Variants in PPIP5K1 observed in about 807,000 individuals in gnomAD.
PPIP5K1 encodes inositol hexakisphosphate and diphosphoinositol-pentakisphosphate kinase 1.
Under a neutral mutation model 27.7 loss-of-function variants are expected in PPIP5K1, and 6 were observed. The observed-to-expected ratio is 0.22, with a 90% CI of 0.12 to 0.43. The LOEUF (loss-of-function observed/expected upper bound fraction) is 0.43. Ranked by LOEUF, PPIP5K1 falls within the 20% of genes least tolerant of loss-of-function variation. PPIP5K1 has a pLI of 1.00. For missense variants in PPIP5K1, 394 were observed against 635.4 expected (o/e 0.62, Z 4.08); for synonymous variants, 145 against 242.6 (o/e 0.60, Z 3.74).
At chr15:43,557,815 C>T (rs1043094987) in intron 30 of PPIP5K1, among the ~76,000 whole-genome samples, 1 of 150,988 alleles carries the variant, frequency 6.6e-6, no homozygotes, top group African/African-American at 2.4e-5. Context: ...CAGGCACACA[C>T]CACCATGCAT....
chr15:43,549,056 A>AATATATATATATATATATATATAT (rs762219321), intron 30 of PPIP5K1, among the ~76,000 whole-genome samples: 4 of 54,258 alleles, frequency 7.4e-5, no homozygotes, highest in African/African-American at 5.4e-4. Context: ...AAAAAAAAAA[A>AATATATATATATATATATATATAT]ATATATATAT....
intron 30 of PPIP5K1, among the ~76,000 whole-genome samples, chr15:43,549,981 T>G (rs1179217923): frequency 2.0e-5 from 3 of 151,980 alleles, no homozygotes; most frequent in African/African-American, 7.3e-5. Flanking sequence ...AGCAAAAAAT[T>G]ACTTTATAGA....
intron 30 of PPIP5K1, among the ~76,000 whole-genome samples, chr15:43,554,857 T>G (rs902805943): frequency 2.6e-5 from 4 of 151,966 alleles, no homozygotes; most frequent in Non-Finnish European, 5.9e-5. Flanking sequence ...TTTTTTCAGA[T>G]GGAGTTTCTC....
intron 30 of PPIP5K1, among the ~76,000 whole-genome samples, chr15:43,549,604 G>C (rs1418477873): frequency 6.6e-6 from 1 of 152,042 alleles, no homozygotes; most frequent in African/African-American, 2.4e-5. Context: ...AGTGAGCTGA[G>C]ATCATGCCAG....
chr15:43,538,499 G>A (rs1259673438), intron 31 of PPIP5K1, among the ~76,000 whole-genome samples: 6 of 152,232 alleles, frequency 3.9e-5, no homozygotes, highest in Non-Finnish European at 8.8e-5. Flanking sequence ...ATAAGTAGCA[G>A]ATTCTAGTCT....
At chr15:43,551,011 G>T (rs759218161) in intron 30 of PPIP5K1, among the ~76,000 whole-genome samples, 5 of 152,114 alleles carry the variant, frequency 3.3e-5, no homozygotes, top group Non-Finnish European at 7.4e-5. Context: ...CTAGCATTTT[G>T]TTCGGGACTT....
intron 28 of PPIP5K1, among the ~76,000 whole-genome samples, chr15:43,561,041 T>TCACTCAGAGTATCAAA (rs761177637): frequency 8.2e-6 from 1 of 121,990 alleles, no homozygotes. Context: ...AATGAAAAAG[T>TCACTCAGAGTATCAAA]GATGGTATTG....
At position 43,535,187 on chromosome 15, in the gene PPIP5K1, G is replaced by A. The variant is rs2079665434; in HGVS notation, c.3960C>T (p.Asp1320=). Residue 1320 remains aspartate, a synonymous_variant, in exon 32 of 32, where the codon GAC becomes GAT. Coordinates refer to ENST00000420765, the MANE Select transcript of PPIP5K1 (RefSeq NM_001394395.1). ...EVSQPCQEVP[D]ISQPCQDISE... is the part of the protein sequence containing the mutation. Reference sequence around the variant, plus strand: ...AAATGTCCTGGCATGGCTGGCTGATGTCAGGGACCTCCTGACATGGCTGGC... The same window carrying A: ...AAATGTCCTGGCATGGCTGGCTGATATCAGGGACCTCCTGACATGGCTGGC... 6.2e-7 allele frequency: 1 copy of A among 1,613,278 alleles called. No individual in the cohort carries two copies. The highest frequency in any genetic ancestry group is 8.5e-7 in the Non-Finnish European group (1 of 1,179,828).
At chr15:43,572,433 C>CAA (rs1192497589) in intron 23 of PPIP5K1, among the ~76,000 whole-genome samples, 8 of 37,032 alleles carry the variant, frequency 2.2e-4, no homozygotes, top group African/African-American at 4.7e-4. Context: ...GACCTTGTCT[C>CAA]AAAAAAAAAA....
intron 31 of PPIP5K1, among the ~76,000 whole-genome samples, chr15:43,538,363 A>G (rs1336373951): frequency 6.6e-6 from 1 of 152,232 alleles, no homozygotes; most frequent in East Asian, 1.9e-4. Context: ...GTGTGGCTCC[A>G]CTGTTCACAT....
intron 28 of PPIP5K1, among the ~76,000 whole-genome samples, chr15:43,562,803 AT>A (rs1050050954): frequency 1.5e-5 from 2 of 137,292 alleles, no homozygotes; most frequent in African/African-American, 5.8e-5. Context: ...CACAGGCACA[AT>A]TGGGAGCCTG....
chr15:43,539,955 C>T (rs1380092564), intron 30 of PPIP5K1, among the ~76,000 whole-genome samples: 1 of 152,148 alleles, frequency 6.6e-6, no homozygotes, highest in African/African-American at 2.4e-5. Flanking sequence ...AAATGCATCT[C>T]TAAAATATAA....
chr15:43,534,052 G>C lies in PPIP5K1; in HGVS notation c.*622C>G, dbSNP rs368194409. Reference sequence around the variant, plus strand: ...TTTGGGGAAGGGACTCTATTTTCCAGACATTTCAGATAGCCATCCCGGGCT... The same window carrying C: ...TTTGGGGAAGGGACTCTATTTTCCACACATTTCAGATAGCCATCCCGGGCT... On this transcript the variant is annotated 3_prime_UTR_variant, in exon 32 of 32. Transcript: ENST00000420765. The C allele has an allele frequency of 1.3e-5, 2 of 152,334 alleles. No individual in the cohort carries two copies. Among genetic ancestry groups the C allele is most frequent in the East Asian group, 3.8e-4 (2 of 5,198 alleles). The allele number at this position is 152,334 out of a possible 1,614,324, so 9.4% of individuals were successfully genotyped here.
chr15:43,534,948 G>A lies in PPIP5K1; in HGVS notation c.4199C>T (p.Ser1400Phe). ...EEVSQPCQGV[S>F]VEVGKLVHKF... ...ATGGACCAGCTTGCCAACCTCCACA[G>A]AGACCCCCTGGCATGGCTGGCTGAC... The change falls in exon 32 of 32, where the codon TCT becomes TTT. Residue 1400 changes from serine (S) to phenylalanine (F), a missense_variant. Ser to Phe is a radical substitution (Grantham distance 155). Transcript: ENST00000420765. 1.9e-6 allele frequency: 3 copies of A among 1,614,192 alleles called. No individual in the cohort carries two copies. The highest frequency in any genetic ancestry group is 2.5e-6 in the Non-Finnish European group (3 of 1,180,036).
chr15:43,541,524 C>T (rs1012794033), intron 30 of PPIP5K1, among the ~76,000 whole-genome samples: 1 of 152,042 alleles, frequency 6.6e-6, no homozygotes, highest in Non-Finnish European at 1.5e-5. Flanking sequence ...CAAGACCAGC[C>T]TGGCCAATAT....
chr15:43,547,317 T>C (rs1449266911), intron 30 of PPIP5K1, among the ~76,000 whole-genome samples: 1 of 152,214 alleles, frequency 6.6e-6, no homozygotes, highest in Non-Finnish European at 1.5e-5. Context: ...CTTTCTGTAG[T>C]TGTTATTTTA....
At chr15:43,557,827 G>A (rs1413288347) in intron 30 of PPIP5K1, among the ~76,000 whole-genome samples, 3 of 144,660 alleles carry the variant, frequency 2.1e-5, no homozygotes, top group Non-Finnish European at 4.5e-5. Context: ...ACCATGCATA[G>A]CCTTTTTTTT....
intron 10 of PPIP5K1, among the ~76,000 whole-genome samples, chr15:43,579,399 C>CACAT (rs1369478173): frequency 8.7e-6 from 1 of 114,982 alleles, no homozygotes; most frequent in East Asian, 3.0e-4. Context: ...CACACACACA[C>CACAT]ACACACACAC....
intron 30 of PPIP5K1, among the ~76,000 whole-genome samples, chr15:43,551,966 A>G (rs1001949125): frequency 1.4e-5 from 2 of 140,704 alleles, no homozygotes; most frequent in Non-Finnish European, 3.0e-5. Flanking sequence ...AAATTAGATT[A>G]TTGATTTCAG....
Sources: gnomAD v4.1 joint callset for allele counts (sites outside exome capture counted in the v4.1 genomes callset) on GRCh38, gnomAD v4.1.1 for gene constraint, MANE v1.5 for transcripts, NCBI Gene and HGNC (gene_info 2026-07-23, HGNC 2026-07-21) for gene names.